Variants in ABCA6 observed in about 807,000 individuals in gnomAD.
The protein encoded by ABCA6 is ATP-binding cassette sub-family A member 6.
A neutral mutation model predicts 191.2 loss-of-function variants in ABCA6; 164 were observed. The ratio of observed to expected loss-of-function variants is 0.86; its 90% CI spans 0.76 to 0.98. ABCA6 has a LOEUF of 0.98. ABCA6 is among the 50% of genes least tolerant of loss of function. ABCA6 has a pLI of 0.00. For synonymous variants in ABCA6, 636 were observed against 647.7 expected, an observed-to-expected ratio of 0.98 and a Z score of 0.27; for missense variants, 1,958 against 1,894.1, an observed-to-expected ratio of 1.03 and a Z score of -0.63.
At chr17:69,126,554 G>A (rs974518976) in intron 8 of ABCA6, among the ~76,000 whole-genome samples, 5 of 151,954 alleles carry the variant, frequency 3.3e-5, no homozygotes, top group East Asian at 1.9e-4. Flanking sequence ...AGGCCGAGGC[G>A]GGAAGATCAC....
At chr17:69,132,631 C>T (rs2073884658) in intron 6 of ABCA6, among the ~76,000 whole-genome samples, 1 of 152,132 alleles carries the variant, frequency 6.6e-6, no homozygotes, top group South Asian at 2.1e-4. Flanking sequence ...AGGCACGCGC[C>T]ACCACACCTG....
intron 13 of ABCA6, 100 bp downstream of exon 13, chr17:69,114,662 A>G (rs2073501513): frequency 8.1e-7 from 1 of 1,237,864 alleles, no homozygotes; most frequent in Non-Finnish European, 1.1e-6. Context: ...CCTAAATTTT[A>G]TTCATAACAG....
intron 3 of ABCA6, 64 bp downstream of exon 3, chr17:69,137,232 G>T: frequency 6.9e-7 from 1 of 1,450,934 alleles, no homozygotes; most frequent in Non-Finnish European, 9.4e-7. Context: ...TTAATGTGTA[G>T]ACAACTTATC....
Position 69,124,996 on chromosome 17 carries a change from GA to G in ABCA6, c.1158del (p.Pro387LeufsTer10). ...KLDYNLNGVI[F>X]PDPSGDSYTM... Reference sequence around the variant, plus strand: ...GTATATGAGTCTCCTGAAGGGTCAGGAAAAATTACACCATTCAAGTTATAAT... The same window carrying G: ...GTATATGAGTCTCCTGAAGGGTCAGGAAAATTACACCATTCAAGTTATAAT... On this transcript the variant is annotated frameshift_variant, in exon 9 of 39. Coordinates refer to ENST00000284425, the MANE Select transcript of ABCA6 (RefSeq NM_080284.3). LOFTEE classifies it high-confidence loss of function. 6 of 1,487,738 alleles carry G rather than the reference GA, an allele frequency of 4.0e-6. No individual in the cohort carries two copies. The highest frequency in any genetic ancestry group is 2.5e-5 in the East Asian group (1 of 40,194). 92.2% of individuals were successfully genotyped at this position (1,487,738 alleles called of 1,614,324 possible).
intron 23 of ABCA6, among the ~76,000 whole-genome samples, chr17:69,097,491 G>A (rs1479642198): frequency 6.6e-6 from 1 of 151,962 alleles, no homozygotes; most frequent in African/African-American, 2.4e-5. Context: ...GATGGTGAAC[G>A]TTGATAGATT....
Position 69,096,259 on chromosome 17 carries a change from C to A in ABCA6, c.3389G>T (p.Trp1130Leu). The A allele has an allele frequency of 1.3e-6, 2 of 1,495,484 alleles. No individual in the cohort carries two copies. The highest frequency in any genetic ancestry group is 1.4e-5 in the South Asian group (1 of 73,556). 92.6% of individuals were successfully genotyped at this position (1,495,484 alleles called of 1,614,324 possible). The change falls in exon 25 of 39, where the codon TGG (tryptophan) becomes TTG (leucine). Residue 1130 changes from tryptophan to leucine, a missense_variant. Physicochemically the swap from Trp to Leu is moderately conservative, Grantham distance 61. Coordinates refer to ENST00000284425, the MANE Select transcript of ABCA6 (RefSeq NM_080284.3). ...FRKRRKNSGLWSFYFFFASTI... is the reference protein window; with the variant it reads ...FRKRRKNSGLLSFYFFFASTI... ...ACTTACAAAAAAGAAGTAAAATGAC[C>A]AAAGGCCACTGTTTTTTCTCCTTTT...
chr17:69,135,663 G>A (rs1157176026), intron 4 of ABCA6: 3 of 244,094 alleles, frequency 1.2e-5, no homozygotes, highest in African/African-American at 2.2e-5. Context: ...CCTCACACCT[G>A]CTATTCATTC....
intron 4 of ABCA6, 123 bp from the exon 5 acceptor site, chr17:69,134,865 T>G (rs909435911): frequency 3.9e-5 from 26 of 659,616 alleles, no homozygotes; most frequent in Non-Finnish European, 6.5e-5. Context: ...TTGGTGGTGG[T>G]GTTTCGTTTT....
rs2072772196 is a variant in ABCA6, at chr17:69,085,772, C to T, written c.3938-56G>A. ...GAAGTGAAATACTGAACAACATAAA[C>T]CTTTTGCTCCAGTGAAATCTTCTGA... On this transcript the variant is annotated intron_variant, in intron 30 of 38. Coordinates refer to ENST00000284425, the MANE Select transcript of ABCA6 (RefSeq NM_080284.3). The T allele has an allele frequency of 2.4e-5, 29 of 1,231,038 alleles. No individual in the cohort carries two copies. The South Asian group carries it at 3.3e-4, about 14-fold the overall frequency. 76.3% of individuals were successfully genotyped at this position (1,231,038 alleles called of 1,614,324 possible).
chr17:69,081,266 A>G, intron 36 of ABCA6, 121 bp from the exon 37 acceptor site: 1 of 560,628 alleles, frequency 1.8e-6, no homozygotes, highest in Admixed American at 3.3e-5. Flanking sequence ...AAATTAATGT[A>G]TGGCTTAAAT....
At chr17:69,111,055 A>T in intron 16 of ABCA6, 115 bp from the exon 17 acceptor site, 1 of 964,306 alleles carries the variant, frequency 1.0e-6, no homozygotes, top group Non-Finnish European at 1.5e-6. Flanking sequence ...TTTATGGAAC[A>T]AAAAGATGAG....
At chr17:69,116,858 T>C (rs1276702150) in intron 11 of ABCA6, among the ~76,000 whole-genome samples, 1 of 152,150 alleles carries the variant, frequency 6.6e-6, no homozygotes, top group African/African-American at 2.4e-5. Context: ...ATTTTTAATG[T>C]GTTGATGTCC....
At chr17:69,088,921 C>T (rs8077252) in intron 27 of ABCA6, among the ~76,000 whole-genome samples, 39,675 of 151,990 alleles carry the variant, frequency 0.26, 5,845 homozygotes, top group East Asian at 0.58. Flanking sequence ...GTGCTCTTCT[C>T]GAAGCCTTTC....
At chr17:69,131,115 G>A (rs907199541) in intron 6 of ABCA6, among the ~76,000 whole-genome samples, 1 of 152,036 alleles carries the variant, frequency 6.6e-6, no homozygotes, top group Non-Finnish European at 1.5e-5. Flanking sequence ...GTTTATCCAC[G>A]GTCACAGAAT....
intron 16 of ABCA6, 76 bp from the exon 17 acceptor site, chr17:69,111,016 C>T (rs540604495): frequency 2.9e-6 from 4 of 1,393,194 alleles, no homozygotes; most frequent in South Asian, 1.5e-5. Context: ...TAATTGAACA[C>T]CTAGCTGTTG....
chr17:69,087,424 C>T lies in ABCA6; in HGVS notation c.3748G>A (p.Asp1250Asn), dbSNP rs200653272. 24 of 1,613,976 alleles carry T rather than the reference C, an allele frequency of 1.5e-5. No individual in the cohort carries two copies. The Admixed American group carries it at 2.2e-4, about 15-fold the overall frequency. ...TCTGTTTGAATATCTTCATCTTCAT[C>T]TATGGGTTCTTCTGGATTTGGCTTA... Reference protein sequence around the residue: ...DAKPNPEEPIDEDEDIQTERI... With the variant: ...DAKPNPEEPINEDEDIQTERI... The change falls in exon 29 of 39, where the codon GAT becomes AAT. Residue 1250 changes from aspartate to asparagine, a missense_variant. By Grantham distance (23) the Asp-to-Asn change is conservative. Transcript: ENST00000284425.
chr17:69,093,275 T>C (rs1253271299), intron 25 of ABCA6, among the ~76,000 whole-genome samples: 2 of 152,324 alleles, frequency 1.3e-5, no homozygotes, highest in East Asian at 3.9e-4. Context: ...TAGAATGAAT[T>C]GCTGTATTAA....
At position 69,129,740 on chromosome 17, in the gene ABCA6, C is replaced by A. The variant is rs1049625660; in HGVS notation, c.803G>T (p.Gly268Val). 1.9e-6 allele frequency: 3 copies of A among 1,579,982 alleles called. No individual in the cohort carries two copies. Among genetic ancestry groups the A allele is most frequent in the African/African-American group, 2.7e-5 (2 of 72,830 alleles). Residue 268 changes from glycine (G) to valine (V), a missense_variant, in exon 7 of 39, where the codon GGT becomes GTT. Physicochemically the swap from Gly to Val is moderately radical, Grantham distance 109 (BLOSUM62 -3). Coordinates refer to ENST00000284425, the MANE Select transcript of ABCA6 (RefSeq NM_080284.3). ...LQDSAFWLSWGLIYAGFIFII... is the reference protein window; with the variant it reads ...LQDSAFWLSWVLIYAGFIFII... ...AAAGATGAAGCCAGCATAGATTAGA[C>A]CCCAGGAGAGCCTAAATAAAGACAA...
At chr17:69,118,440 A>G (rs1250978924) in intron 10 of ABCA6, among the ~76,000 whole-genome samples, 1 of 151,996 alleles carries the variant, frequency 6.6e-6, no homozygotes, top group East Asian at 1.9e-4. Context: ...TCCTCCCTGT[A>G]TTGTACAAAA....
Sources: gnomAD v4.1 joint callset for allele counts (sites outside exome capture counted in the v4.1 genomes callset) on GRCh38, gnomAD v4.1.1 for gene constraint, MANE v1.5 for transcripts, NCBI Gene and HGNC (gene_info 2026-07-23, HGNC 2026-07-21) for gene names.